Variants in TMEM87B observed in about 807,000 individuals in gnomAD.
The protein encoded by TMEM87B is transmembrane protein 87B.
A neutral mutation model predicts 80.3 loss-of-function variants in TMEM87B; 83 were observed. That is an observed-to-expected ratio of 1.03 (90% CI 0.87 to 1.24). TMEM87B has a LOEUF of 1.24. Among genes scored for constraint, TMEM87B ranks in the 50% most tolerant of loss-of-function variants. The pLI is 0.00. For missense variants in TMEM87B, 625 were observed against 674.4 expected (o/e 0.93, Z 0.81); for synonymous variants, 219 against 230.5 (o/e 0.95, Z 0.45).
At chr2:112,077,071 A>C (rs1397823470) in intron 5 of TMEM87B, 121 bp from the exon 6 acceptor site, 8 of 507,040 alleles carry the variant, frequency 1.6e-5, no homozygotes, top group Non-Finnish European at 2.7e-5. Context: ...AAAATTAAAA[A>C]ATAGAAAAAT....
chr2:112,093,400 G>C (rs1399704180), intron 11 of TMEM87B, among the ~76,000 whole-genome samples: 2 of 152,216 alleles, frequency 1.3e-5, no homozygotes, highest in Non-Finnish European at 2.9e-5. Flanking sequence ...GCTAACAGCT[G>C]TGGAGCCTCT....
At chr2:112,058,397 G>A (rs1351916722) in intron 1 of TMEM87B, among the ~76,000 whole-genome samples, 6 of 152,226 alleles carry the variant, frequency 3.9e-5, no homozygotes, top group African/African-American at 1.4e-4. Context: ...AGTGAGGAAT[G>A]TTGTGGACTA....
intron 2 of TMEM87B, 50 bp downstream of exon 2, chr2:112,060,087 C>A (rs1202574820): frequency 7.0e-7 from 1 of 1,431,172 alleles, no homozygotes; most frequent in Admixed American, 2.5e-5. Flanking sequence ...ATGGCTCACG[C>A]CTGTAATCCC....
rs1208039905 is a variant in TMEM87B at position 112,077,185 on chromosome 2, A to T, written c.502-7A>T. ...ATAATGAAGAATTTTTTTCACCTCTATTTCAGGATGTTGTAGCCAGAACAC... is the reference window on the plus strand; with the variant it reads ...ATAATGAAGAATTTTTTTCACCTCTTTTTCAGGATGTTGTAGCCAGAACAC... On this transcript the variant is annotated splice_region_variant and splice_polypyrimidine_tract_variant and intron_variant, in intron 5 of 18. Transcript: ENST00000283206. 2 of 1,545,062 alleles carry T rather than the reference A, an allele frequency of 1.3e-6. No homozygotes were observed. The highest frequency in any genetic ancestry group is 1.9e-5 in the Admixed American group (1 of 52,004).
At chr2:112,095,124 C>A (rs984635163) in intron 11 of TMEM87B, 1 of 889,450 alleles carries the variant, frequency 1.1e-6, no homozygotes, top group African/African-American at 2.2e-5. Context: ...CCCTTTTTTT[C>A]TTCTTGTTTC....
chr2:112,071,459 G>A (rs1678633537), intron 4 of TMEM87B, among the ~76,000 whole-genome samples: 1 of 151,986 alleles, frequency 6.6e-6, no homozygotes, highest in Non-Finnish European at 1.5e-5. Flanking sequence ...CTGTGACCAT[G>A]CCCGGCTAAT....
intron 9 of TMEM87B, among the ~76,000 whole-genome samples, chr2:112,088,889 G>A (rs949572147): frequency 6.6e-6 from 1 of 152,050 alleles, no homozygotes. Flanking sequence ...CTCCCAAGTA[G>A]CTGGCACTAC....
intron 15 of TMEM87B, among the ~76,000 whole-genome samples, chr2:112,103,954 C>G (rs1254678273): frequency 1.3e-5 from 2 of 152,046 alleles, no homozygotes; most frequent in African/African-American, 4.8e-5. Flanking sequence ...CATGTGTGGT[C>G]AGTTGATTTT....
intron 6 of TMEM87B, among the ~76,000 whole-genome samples, chr2:112,078,334 G>T (rs764847926): frequency 6.6e-6 from 1 of 152,210 alleles, no homozygotes; most frequent in African/African-American, 2.4e-5. Context: ...GGTCCCTGGT[G>T]TCTGCTTCCA....
intron 6 of TMEM87B, among the ~76,000 whole-genome samples, chr2:112,080,471 G>A (rs1357598529): frequency 6.6e-6 from 1 of 151,022 alleles, no homozygotes; most frequent in Non-Finnish European, 1.5e-5. Context: ...GTGTTAGCCA[G>A]GATGGTCTCG....
intron 2 of TMEM87B, among the ~76,000 whole-genome samples, chr2:112,062,500 A>G (rs1678288131): frequency 6.6e-6 from 1 of 152,262 alleles, no homozygotes; most frequent in Admixed American, 6.5e-5. Flanking sequence ...AAAGGCATCT[A>G]TGAAAAATCT....
chr2:112,099,464 A>C (rs1003706710), intron 14 of TMEM87B, among the ~76,000 whole-genome samples: 25 of 150,830 alleles, frequency 1.7e-4, no homozygotes, highest in African/African-American at 5.6e-4. Context: ...CATTTTGCAT[A>C]AAGGCTACTC....
intron 17 of TMEM87B, among the ~76,000 whole-genome samples, chr2:112,109,662 G>A (rs1679857168): frequency 9.8e-6 from 1 of 101,730 alleles, no homozygotes; most frequent in East Asian, 2.7e-4. Flanking sequence ...CCTAAGTATG[G>A]TCTTTTTTTT....
Position 112,113,055 on chromosome 2 carries a change from T to C in TMEM87B, c.1608+126T>C, listed in dbSNP as rs1237277028. 4 of 850,186 alleles carry C rather than the reference T, an allele frequency of 4.7e-6. No individual in the cohort carries two copies. In the African/African-American group the frequency reaches 5.2e-5, roughly 11 times the overall value. The allele number at this position is 850,186 out of a possible 1,614,324, so 52.7% of individuals were successfully genotyped here. ...AAATTGAACAGACAGAAAGATGCTA[T>C]GAATTGATTTGTGGGTAAAGTTGAA... On this transcript the variant is annotated intron_variant, in intron 18 of 18. Coordinates refer to ENST00000283206, the MANE Select transcript of TMEM87B (RefSeq NM_032824.3).
chr2:112,109,185 A>G (rs1235921992), intron 17 of TMEM87B, among the ~76,000 whole-genome samples: 1 of 152,220 alleles, frequency 6.6e-6, no homozygotes, highest in Non-Finnish European at 1.5e-5. Context: ...GCAAAGTAAG[A>G]ACTGCCTATT....
chr2:112,055,793 C>CGGGCCGTCA, intron 1 of TMEM87B, 37 bp downstream of exon 1: 1 of 1,449,898 alleles, frequency 6.9e-7, no homozygotes, highest in South Asian at 1.5e-5. Flanking sequence ...TGGCACGTCT[C>CGGGCCGTCA]GGGCCGTCAG....
chr2:112,063,047 T>C (rs2104455441), intron 2 of TMEM87B, among the ~76,000 whole-genome samples: 1 of 152,350 alleles, frequency 6.6e-6, no homozygotes, highest in Non-Finnish European at 1.5e-5. Flanking sequence ...TTTGTTGAAC[T>C]TGAATCTCTG....
In TMEM87B at chr2:112,055,742, G is replaced by T. The variant is rs1043866329; in HGVS notation, c.151G>T (p.Glu51Ter). Residue 51 changes from glutamate to a stop codon, truncating the protein, a stop_gained, in exon 1 of 19, where the codon GAG becomes TAG. Transcript: ENST00000283206. LOFTEE classifies it high-confidence loss of function. ...GGTCCCTGAGCTCGGGCTCTGGTTA[G>T]AGACAGTCAACGACGTAAGTGGAGT... is the stretch of plus-strand genomic sequence containing the variant. ...RAVPELGLWL[E>*]TVNDKSGPLI... 6.0e-6 allele frequency: 9 copies of T among 1,499,166 alleles called. No homozygotes were observed. The highest frequency in any genetic ancestry group is 7.1e-6 in the Non-Finnish European group (8 of 1,130,042). 92.9% of individuals were successfully genotyped at this position (1,499,166 alleles called of 1,614,324 possible). A position where few individuals can be genotyped will look rare whatever the true frequency, so the allele number is the denominator to read the frequency against.
Position 112,106,008 on chromosome 2 carries a change from G to A in TMEM87B, c.1457G>A (p.Gly486Glu). ...FMVTSENLTE[G>E]IKLRASKSVS... ...TTTATAATGTCTCTCGTAGCCGAAG[G>A]AATAAAATTAAGAGCCTCAAAATCA... The change falls in exon 16 of 19, where the codon GGA becomes GAA. Residue 486 changes from glycine to glutamate, a missense_variant. Coordinates refer to ENST00000283206, the MANE Select transcript of TMEM87B (RefSeq NM_032824.3). 6.4e-7 allele frequency: 1 copy of A among 1,565,860 alleles called. No homozygotes were observed. Among genetic ancestry groups the A allele is most frequent in the Admixed American group, 2.0e-5 (1 of 49,390 alleles).
Sources: gnomAD v4.1 joint callset for allele counts (sites outside exome capture counted in the v4.1 genomes callset) on GRCh38, gnomAD v4.1.1 for gene constraint, MANE v1.5 for transcripts, NCBI Gene and HGNC (gene_info 2026-07-23, HGNC 2026-07-21) for gene names.